CSMD1: variants seen among roughly 807,000 people sequenced by gnomAD.
CSMD1 encodes the protein CUB and sushi domain-containing protein 1.
A neutral mutation model predicts 417.5 loss-of-function variants in CSMD1; 213 were observed. That is an observed-to-expected ratio of 0.51 (90% CI 0.46 to 0.57). CSMD1 has a LOEUF of 0.57. Ranked by LOEUF, CSMD1 falls within the 20% of genes least tolerant of loss-of-function variation. The probability of loss-of-function intolerance (pLI) is 0.00; values close to 1 mark genes in which losing one functional copy is unlikely to be tolerated. For missense variants in CSMD1, 6,923 were observed against 4,529.7 expected, an observed-to-expected ratio of 1.53 and a Z score of -15.17; for synonymous variants, 2,862 against 1,736.8, an observed-to-expected ratio of 1.65 and a Z score of -16.11.
At chr8:3,520,069 G>T (rs1471808223) in intron 10 of CSMD1, among the ~76,000 whole-genome samples, 1 of 143,700 alleles carries the variant, frequency 7.0e-6, no homozygotes, top group Non-Finnish European at 1.5e-5. Flanking sequence ...TTGCTCCACA[G>T]TAATAATAGT....
chr8:3,330,466 G>A (rs1370736264), intron 23 of CSMD1, among the ~76,000 whole-genome samples: 1 of 152,116 alleles, frequency 6.6e-6, no homozygotes, highest in Non-Finnish European at 1.5e-5. Flanking sequence ...GGAGCTGGAG[G>A]GTATTATCGT....
chr8:3,245,406 CTCTT>C (rs1270461871), intron 26 of CSMD1, among the ~76,000 whole-genome samples: 1 of 152,216 alleles, frequency 6.6e-6, no homozygotes, highest in Admixed American at 6.5e-5. Context: ...TTTTCCCCCT[CTCTT>C]TCTTAGAGCA....
At chr8:3,999,828 G>A (rs1815520808) in intron 4 of CSMD1, among the ~76,000 whole-genome samples, 1 of 152,154 alleles carries the variant, frequency 6.6e-6, no homozygotes, top group African/African-American at 2.4e-5. Context: ...TGTTTTAATA[G>A]TTAGCCAGTC....
At chr8:4,191,466 T>C (rs906212052) in intron 3 of CSMD1, among the ~76,000 whole-genome samples, 3 of 152,072 alleles carry the variant, frequency 2.0e-5, no homozygotes, top group Admixed American at 6.6e-5. Flanking sequence ...TTGAACAAGA[T>C]AGAACTAAAA....
chr8:4,591,418 G>T (rs1274363059), intron 2 of CSMD1, among the ~76,000 whole-genome samples: 1 of 152,204 alleles, frequency 6.6e-6, no homozygotes. Flanking sequence ...TGAAAGAAAA[G>T]CATTCCAAAC....
chr8:4,800,409 G>C (rs1027778049), intron 1 of CSMD1, among the ~76,000 whole-genome samples: 1 of 149,146 alleles, frequency 6.7e-6, no homozygotes, highest in Non-Finnish European at 1.5e-5. Flanking sequence ...CTGTACTCCA[G>C]GCTGGGTGAC....
chr8:4,276,163 C>G (rs1796473844), intron 3 of CSMD1, among the ~76,000 whole-genome samples: 1 of 152,176 alleles, frequency 6.6e-6, no homozygotes, highest in Non-Finnish European at 1.5e-5. Flanking sequence ...TATAAAGACA[C>G]ATGCACACAT....
intron 2 of CSMD1, among the ~76,000 whole-genome samples, chr8:4,574,138 G>A (rs1222786295): frequency 1.3e-5 from 2 of 150,782 alleles, no homozygotes; most frequent in Non-Finnish European, 3.0e-5. Flanking sequence ...GAACAGTTCT[G>A]TCTCGTTGGG....
At chr8:4,253,410 A>G (rs527404671) in intron 3 of CSMD1, among the ~76,000 whole-genome samples, 40 of 152,084 alleles carry the variant, frequency 2.6e-4, no homozygotes, top group African/African-American at 9.4e-4. Flanking sequence ...AAATTTATAT[A>G]TTTTTTTCCC....
chr8:4,216,424 A>T (rs1800672336), intron 3 of CSMD1, among the ~76,000 whole-genome samples: 1 of 152,180 alleles, frequency 6.6e-6, no homozygotes. Flanking sequence ...ATTAATACTT[A>T]TTTGAAGTTC....
Position 3,408,047 on chromosome 8 carries a change from C to G in CSMD1, c.1923G>C (p.Lys641Asn). 1.2e-6 allele frequency: 2 copies of G among 1,613,906 alleles called. No homozygotes were observed. The highest frequency in any genetic ancestry group is 8.5e-7 in the Non-Finnish European group (1 of 1,179,886). The change falls in exon 14 of 70, where the codon AAG becomes AAC. Residue 641 changes from lysine (K) to asparagine (N), a missense_variant. Lys to Asn is a moderately conservative substitution (Grantham distance 94, BLOSUM62 0). Transcript: ENST00000635120. ...VEPQFDFLAVKDDGISDITVL... is the reference protein window; with the variant it reads ...VEPQFDFLAVNDDGISDITVL... ...CAGTTATGTCAGAAATGCCATCATC[C>G]TTGACCGCGAGAAAGTCAAACTGAG...
At chr8:4,449,433 T>C (rs868188667) in intron 2 of CSMD1, among the ~76,000 whole-genome samples, 1 of 152,154 alleles carries the variant, frequency 6.6e-6, no homozygotes, top group South Asian at 2.1e-4. Flanking sequence ...GAAGTTCATA[T>C]TTTTCCCCAA....
intron 5 of CSMD1, among the ~76,000 whole-genome samples, chr8:3,920,394 G>A (rs1298086954): frequency 6.6e-6 from 1 of 151,836 alleles, no homozygotes; most frequent in African/African-American, 2.4e-5. Flanking sequence ...TGTGGACACT[G>A]TAGGTTCTTT....
At chr8:3,673,997 G>T (rs991368264) in intron 7 of CSMD1, among the ~76,000 whole-genome samples, 1 of 152,102 alleles carries the variant, frequency 6.6e-6, no homozygotes, top group African/African-American at 2.4e-5. Context: ...ACATGCCTGT[G>T]GTCCCAGCCA....
intron 7 of CSMD1, among the ~76,000 whole-genome samples, chr8:3,693,750 G>C (rs751352667): frequency 6.6e-6 from 1 of 152,012 alleles, no homozygotes; most frequent in Non-Finnish European, 1.5e-5. Flanking sequence ...TGGTGTGTGT[G>C]TTGTATGTGT....
At chr8:3,835,948 T>TA (rs1291169146) in intron 5 of CSMD1, among the ~76,000 whole-genome samples, 1 of 152,140 alleles carries the variant, frequency 6.6e-6, no homozygotes, top group East Asian at 1.9e-4. Context: ...GGTCCAGGAA[T>TA]AGAACTTTTG....
intron 41 of CSMD1, among the ~76,000 whole-genome samples, chr8:3,123,425 C>T (rs576462203): frequency 5.9e-5 from 9 of 152,228 alleles, no homozygotes; most frequent in Admixed American, 5.9e-4. Context: ...GACCCATGCT[C>T]ACAAAAAAGA....
intron 3 of CSMD1, among the ~76,000 whole-genome samples, chr8:4,310,563 C>T (rs1425390184): frequency 6.6e-6 from 1 of 152,138 alleles, no homozygotes; most frequent in African/African-American, 2.4e-5. Flanking sequence ...ACTTGTATGA[C>T]ATTTACATTT....
At chr8:3,210,932 A>T (rs6558736) in intron 30 of CSMD1, among the ~76,000 whole-genome samples, 32,989 of 151,872 alleles carry the variant, frequency 0.22, 3,788 homozygotes, top group South Asian at 0.31. Flanking sequence ...TCTCCCTCAC[A>T]CTAGACTCTA....
Sources: gnomAD v4.1 joint callset for allele counts (sites outside exome capture counted in the v4.1 genomes callset) on GRCh38, gnomAD v4.1.1 for gene constraint, MANE v1.5 for transcripts, NCBI Gene and HGNC (gene_info 2026-07-23, HGNC 2026-07-21) for gene names.